RIMS1: variants seen among roughly 807,000 people sequenced by gnomAD.
RIMS1 encodes the protein regulating synaptic membrane exocytosis protein 1.
Under a neutral mutation model 214.1 loss-of-function variants are expected in RIMS1, and 83 were observed. The ratio of observed to expected loss-of-function variants is 0.39; its 90% CI spans 0.32 to 0.47. RIMS1 has a LOEUF of 0.47. RIMS1 is among the 20% of genes least tolerant of loss of function. The pLI is 0.99. For synonymous variants in RIMS1, 793 were observed against 786.8 expected (o/e 1.01, Z -0.13); for missense variants, 2,050 against 2,161.8 (o/e 0.95, Z 1.03).
At chr6:72,235,211 C>T (rs957132157) in intron 7 of RIMS1, among the ~76,000 whole-genome samples, 1 of 152,002 alleles carries the variant, frequency 6.6e-6, no homozygotes, top group Non-Finnish European at 1.5e-5. Flanking sequence ...GTATTGGGAA[C>T]ATTCAATGTC....
At chr6:72,374,240 A>G (rs2098309411) in intron 29 of RIMS1, among the ~76,000 whole-genome samples, 1 of 152,086 alleles carries the variant, frequency 6.6e-6, no homozygotes, top group Admixed American at 6.6e-5. Context: ...TTAATACTTC[A>G]TTGTACCAAT....
chr6:71,999,021 A>G (rs901823933), intron 2 of RIMS1, among the ~76,000 whole-genome samples: 1 of 152,062 alleles, frequency 6.6e-6, no homozygotes, highest in African/African-American at 2.4e-5. Flanking sequence ...GTCTTTTGCA[A>G]TTCAAGTTAG....
chr6:72,267,229 C>A (rs547516576), intron 22 of RIMS1, among the ~76,000 whole-genome samples: 1 of 152,128 alleles, frequency 6.6e-6, no homozygotes, highest in East Asian at 1.9e-4. Flanking sequence ...TCTCTTTAGT[C>A]AAATATAACC....
chr6:72,257,095 TA>T (rs2154150997), intron 16 of RIMS1, among the ~76,000 whole-genome samples: 1 of 152,164 alleles, frequency 6.6e-6, no homozygotes, highest in South Asian at 2.1e-4. Flanking sequence ...ATTTTTGAGA[TA>T]ATGTGAGAGT....
intron 19 of RIMS1, chr6:72,262,886 CATTT>C (rs1451200562): frequency 2.2e-5 from 12 of 554,258 alleles, no homozygotes; most frequent in Non-Finnish European, 2.3e-5. Flanking sequence ...AGGAAAATAA[CATTT>C]ATTTAATAAC....
chr6:72,099,487 G>C (rs1166742344), intron 3 of RIMS1, among the ~76,000 whole-genome samples: 1 of 151,914 alleles, frequency 6.6e-6, no homozygotes, highest in Non-Finnish European at 1.5e-5. Context: ...TGCCAAAATA[G>C]TTAACATATT....
chr6:72,133,236 T>G (rs2040741859), intron 4 of RIMS1, among the ~76,000 whole-genome samples: 1 of 151,960 alleles, frequency 6.6e-6, no homozygotes, highest in African/African-American at 2.4e-5. Flanking sequence ...CTCTCTTTTT[T>G]TTTTTTTTCC....
intron 4 of RIMS1, among the ~76,000 whole-genome samples, chr6:72,103,927 T>C (rs2034203657): frequency 6.6e-6 from 1 of 152,174 alleles, no homozygotes; most frequent in Non-Finnish European, 1.5e-5. Flanking sequence ...AATGATTCAG[T>C]CTGTGTGAAC....
chr6:71,961,257 G>A (rs1463301074), intron 1 of RIMS1, among the ~76,000 whole-genome samples: 1 of 152,114 alleles, frequency 6.6e-6, no homozygotes, highest in East Asian at 1.9e-4. Context: ...GTGACATTTT[G>A]AGAAATAATC....
At chr6:71,979,275 G>A (rs368107172) in intron 2 of RIMS1, among the ~76,000 whole-genome samples, 4 of 151,988 alleles carry the variant, frequency 2.6e-5, no homozygotes, top group African/African-American at 9.7e-5. Flanking sequence ...TTGATTGAGT[G>A]TATTTAATGG....
At chr6:72,176,042 A>T (rs2047655556) in intron 4 of RIMS1, among the ~76,000 whole-genome samples, 1 of 152,244 alleles carries the variant, frequency 6.6e-6, no homozygotes, top group Non-Finnish European at 1.5e-5. Flanking sequence ...GATATGTGGC[A>T]TGGTGTTTCA....
At chr6:72,398,817 T>A (rs750955738) in intron 32 of RIMS1, 138 bp from the exon 33 acceptor site, 2 of 564,974 alleles carry the variant, frequency 3.5e-6, no homozygotes, top group Non-Finnish European at 6.1e-6. Flanking sequence ...TATGGAGCAA[T>A]GGAAATTTTA....
At chr6:72,375,078 A>G (rs2098335988) in intron 29 of RIMS1, among the ~76,000 whole-genome samples, 1 of 152,224 alleles carries the variant, frequency 6.6e-6, no homozygotes, top group Non-Finnish European at 1.5e-5. Flanking sequence ...AGCTTCGCCC[A>G]CTACTCACCT....
intron 1 of RIMS1, among the ~76,000 whole-genome samples, chr6:71,953,481 T>C (rs1040421377): frequency 2.0e-5 from 3 of 152,116 alleles, no homozygotes; most frequent in Non-Finnish European, 4.4e-5. Flanking sequence ...AATGAGTCAA[T>C]ATTTTTGAAC....
At chr6:72,353,283 CTGAGTT>C (rs1418476709) in intron 29 of RIMS1, among the ~76,000 whole-genome samples, 1 of 152,112 alleles carries the variant, frequency 6.6e-6, no homozygotes, top group Non-Finnish European at 1.5e-5. Context: ...CCACGTCCGG[CTGAGTT>C]TAAATTCTGT....
chr6:72,376,159 G>GTA (rs1472570503), intron 29 of RIMS1, among the ~76,000 whole-genome samples: 1 of 152,122 alleles, frequency 6.6e-6, no homozygotes, highest in African/African-American at 2.4e-5. Flanking sequence ...TATTAAAAAT[G>GTA]TATAGAGAAA....
rs1244514875 is a variant in RIMS1 at position 72,397,131 on chromosome 6, GAGT to G, written c.4619-1115_4619-1113del. 2.0e-5 allele frequency among the ~76,000 whole-genome samples: 3 copies of G among 152,064 alleles called. No individual in the cohort carries two copies. In the East Asian group the frequency reaches 5.8e-4, roughly 29 times the overall value. The stretch of plus-strand genomic sequence containing the variant: ...AGTAAATAGAAAGCTGAAAAAACCT[GAGT>G]AGAACTATAACTACCAGTATTTAAC... On this transcript the variant is annotated intron_variant, in intron 31 of 33. Coordinates refer to ENST00000521978, the MANE Select transcript of RIMS1 (RefSeq NM_014989.7).
chr6:71,973,780 G>T (rs1796469258), intron 2 of RIMS1, among the ~76,000 whole-genome samples: 1 of 152,180 alleles, frequency 6.6e-6, no homozygotes, highest in Non-Finnish European at 1.5e-5. Flanking sequence ...ATACCTCCAA[G>T]GGCCAATAGG....
chr6:72,131,154 G>C (rs1252385501), intron 4 of RIMS1, among the ~76,000 whole-genome samples: 1 of 152,128 alleles, frequency 6.6e-6, no homozygotes, highest in Non-Finnish European at 1.5e-5. Context: ...TTGGAAAGGA[G>C]AGATTCATTA....
Sources: gnomAD v4.1 joint callset for allele counts (sites outside exome capture counted in the v4.1 genomes callset) on GRCh38, gnomAD v4.1.1 for gene constraint, MANE v1.5 for transcripts, NCBI Gene and HGNC (gene_info 2026-07-23, HGNC 2026-07-21) for gene names.